Variants in ATG10 observed in about 807,000 individuals in gnomAD.
The protein encoded by ATG10 is autophagy related 10.
In ATG10, 30 loss-of-function variants were observed where a neutral mutation model predicts 32.1. That is an observed-to-expected ratio of 0.94 (90% confidence interval 0.70 to 1.27). The LOEUF (loss-of-function observed/expected upper bound fraction) is 1.27, where lower values mean the gene tolerates loss of function less well. ATG10 is among the 50% of genes most tolerant of loss of function. The probability of loss-of-function intolerance (pLI) is 0.00; values close to 1 mark genes in which losing one functional copy is unlikely to be tolerated. For synonymous variants in ATG10, 87 were observed against 91.5 expected, an observed-to-expected ratio of 0.95 and a Z score of 0.28; for missense variants, 233 against 262.3, an observed-to-expected ratio of 0.89 and a Z score of 0.77.
intron 2 of ATG10, among the ~76,000 whole-genome samples, chr5:81,991,729 A>C (rs1761464688): frequency 6.6e-6 from 1 of 151,552 alleles, no homozygotes; most frequent in Admixed American, 6.6e-5. Flanking sequence ...TGGGAGACGG[A>C]GGTTGCAGTG....
chr5:82,028,324 T>C (rs1338647785), intron 2 of ATG10, among the ~76,000 whole-genome samples: 1 of 152,194 alleles, frequency 6.6e-6, no homozygotes, highest in African/African-American at 2.4e-5. Flanking sequence ...AAAATATCAG[T>C]TCTTTGTAAA....
At chr5:82,052,403 A>G (rs1365668172) in intron 2 of ATG10, among the ~76,000 whole-genome samples, 2 of 152,310 alleles carry the variant, frequency 1.3e-5, no homozygotes, top group Non-Finnish European at 2.9e-5. Flanking sequence ...AATCGGCACT[A>G]CACTAGAAAA....
At chr5:82,133,363 G>A (rs1254838255) in intron 3 of ATG10, among the ~76,000 whole-genome samples, 1 of 151,792 alleles carries the variant, frequency 6.6e-6, no homozygotes, top group Non-Finnish European at 1.5e-5. Flanking sequence ...GGTATTTATG[G>A]TTTTAGGTCT....
At chr5:82,012,999 G>A (rs1224501514) in intron 2 of ATG10, among the ~76,000 whole-genome samples, 2 of 142,030 alleles carry the variant, frequency 1.4e-5, no homozygotes, top group African/African-American at 5.3e-5. Flanking sequence ...GTCTCGCCCT[G>A]TTGCCAGGCT....
chr5:82,083,980 T>C (rs192848435), intron 3 of ATG10, among the ~76,000 whole-genome samples: 1 of 152,284 alleles, frequency 6.6e-6, no homozygotes, highest in Non-Finnish European at 1.5e-5. Context: ...GGAGAATGAC[T>C]ATGACGCGTT....
intron 5 of ATG10, among the ~76,000 whole-genome samples, chr5:82,221,198 T>C (rs1409769875): frequency 6.6e-6 from 1 of 152,202 alleles, no homozygotes; most frequent in Non-Finnish European, 1.5e-5. Context: ...TTCTGGGCCC[T>C]GTGATGCAAT....
At chr5:82,094,036 G>A (rs1042832940) in intron 3 of ATG10, among the ~76,000 whole-genome samples, 3 of 151,996 alleles carry the variant, frequency 2.0e-5, no homozygotes, top group African/African-American at 4.8e-5. Flanking sequence ...CACATGAGCC[G>A]ATCTGTACTT....
chr5:82,093,167 A>T (rs189404695), intron 3 of ATG10, among the ~76,000 whole-genome samples: 1 of 152,158 alleles, frequency 6.6e-6, no homozygotes, highest in Non-Finnish European at 1.5e-5. Context: ...AACTTGTTAC[A>T]TATGTGGTTT....
chr5:82,000,151 G>A (rs919239796), intron 2 of ATG10, among the ~76,000 whole-genome samples: 2 of 152,080 alleles, frequency 1.3e-5, no homozygotes, highest in Non-Finnish European at 2.9e-5. Flanking sequence ...AGGATGCAAG[G>A]TTGGTTCAGC....
chr5:82,136,701 T>C (rs1433036258), intron 3 of ATG10, among the ~76,000 whole-genome samples: 2 of 152,192 alleles, frequency 1.3e-5, no homozygotes, highest in Admixed American at 6.5e-5. Flanking sequence ...GGGGTTGTTC[T>C]TCTCAAGGAG....
At chr5:82,037,178 T>G (rs1445955602) in intron 2 of ATG10, among the ~76,000 whole-genome samples, 1 of 147,864 alleles carries the variant, frequency 6.8e-6, no homozygotes, top group Non-Finnish European at 1.5e-5. Context: ...CCTTAGATTA[T>G]TTAGGTGAAT....
chr5:82,146,100 G>C (rs1039827240), intron 3 of ATG10, among the ~76,000 whole-genome samples: 3 of 152,010 alleles, frequency 2.0e-5, no homozygotes, highest in Middle Eastern at 3.2e-3. Flanking sequence ...TTTCTCTTCA[G>C]CTTGGAGAAC....
intron 5 of ATG10, among the ~76,000 whole-genome samples, chr5:82,239,237 C>T (rs981005819): frequency 6.6e-6 from 1 of 152,188 alleles, no homozygotes; most frequent in African/African-American, 2.4e-5. Flanking sequence ...GTGCCCTCCA[C>T]ACAAATATTT....
intron 2 of ATG10, among the ~76,000 whole-genome samples, chr5:81,993,324 T>TTTCCTTCCTTCC (rs1482074846): frequency 4.8e-4 from 50 of 103,246 alleles, no homozygotes; most frequent in African/African-American, 1.9e-3. Flanking sequence ...TCTTTCTTTC[T>TTTCCTTCCTTCC]TTCCTTCCTT....
intron 3 of ATG10, among the ~76,000 whole-genome samples, chr5:82,158,637 C>T (rs1767904117): frequency 6.6e-6 from 1 of 152,022 alleles, no homozygotes. Context: ...ATTTTGGTAT[C>T]CTCAGGGTGG....
At chr5:82,193,343 T>C (rs1744729492) in intron 5 of ATG10, among the ~76,000 whole-genome samples, 1 of 152,250 alleles carries the variant, frequency 6.6e-6, no homozygotes, top group African/African-American at 2.4e-5. Flanking sequence ...CTCTCATCAA[T>C]AGGCTCATTT....
At chr5:82,159,595 AG>A (rs1220194375) in intron 3 of ATG10, among the ~76,000 whole-genome samples, 6 of 152,098 alleles carry the variant, frequency 3.9e-5, no homozygotes, top group African/African-American at 1.2e-4. Flanking sequence ...TCCTTAAAGT[AG>A]ATAGAACAGT....
intron 5 of ATG10, among the ~76,000 whole-genome samples, chr5:82,238,245 C>T (rs1196875761): frequency 6.6e-6 from 1 of 152,156 alleles, no homozygotes; most frequent in Non-Finnish European, 1.5e-5. Context: ...AGTGTGAGGA[C>T]TCCCCATGCC....
At chr5:82,167,362 G>T (rs1743623075) in intron 4 of ATG10, among the ~76,000 whole-genome samples, 1 of 152,202 alleles carries the variant, frequency 6.6e-6, no homozygotes, top group South Asian at 2.1e-4. Context: ...ATGGCTTTGT[G>T]TGTATACATG....
Sources: allele counts gnomAD v4.1 joint callset (sites outside exome capture counted in the v4.1 genomes callset), GRCh38; gene constraint gnomAD v4.1.1; transcripts MANE v1.5; gene names NCBI Gene and HGNC (gene_info 2026-07-23, HGNC 2026-07-21).